Variants in NCOA2 observed in about 807,000 individuals in gnomAD.
NCOA2 encodes the protein nuclear receptor coactivator 2, also known as class E basic helix-loop-helix protein 75.
In NCOA2, 21 loss-of-function variants were observed where a neutral mutation model predicts 145.1. The observed-to-expected ratio is 0.14, with a 90% CI of 0.10 to 0.21. The LOEUF (loss-of-function observed/expected upper bound fraction) is 0.21, where lower values mean the gene tolerates loss of function less well. Ranked by LOEUF, NCOA2 falls within the 10% of genes least tolerant of loss-of-function variation. NCOA2 has a pLI of 1.00. For synonymous variants in NCOA2, 619 were observed against 637.5 expected (o/e 0.97, Z 0.44); for missense variants, 1,472 against 1,837.6 (o/e 0.80, Z 3.64).
At chr8:70,169,675 T>C (rs1017527237) in intron 6 of NCOA2, among the ~76,000 whole-genome samples, 1 of 152,196 alleles carries the variant, frequency 6.6e-6, no homozygotes. Context: ...CCCATCTCCA[T>C]GATGTGACTA....
At position 70,166,744 on chromosome 8, in the gene NCOA2, T is replaced by C; in HGVS notation, c.552A>G (p.Gly184=). 1 of 1,613,610 alleles carries C rather than the reference T, an allele frequency of 6.2e-7. No individual in the cohort carries two copies. The highest frequency in any genetic ancestry group is 8.5e-7 in the Non-Finnish European group (1 of 1,179,728). The change falls in exon 7 of 23, where the codon GGA becomes GGG. Residue 184 remains glycine, a synonymous_variant. Transcript: ENST00000452400. ...GCCTCGGAGGTTCGCCAGACCAAGA[T>C]CCCCCATTTACTGAGCAAGGCAAAA... ...NLLPKSIVNG[G]SWSGEPPRRN...
the NCOA2 span, among the ~76,000 whole-genome samples, chr8:70,429,745 T>C: frequency 6.6e-6 from 1 of 152,232 alleles, no homozygotes; most frequent in African/African-American, 2.4e-5. Context: ...GATTAAAGAC[T>C]AAAATCATAA....
At chr8:70,307,752 T>C (rs567061694) in intron 1 of NCOA2, among the ~76,000 whole-genome samples, 1 of 152,340 alleles carries the variant, frequency 6.6e-6, no homozygotes, top group Non-Finnish European at 1.5e-5. Context: ...CTGAACTCAA[T>C]GTAACCTGAG....
the NCOA2 span, among the ~76,000 whole-genome samples, chr8:70,418,897 C>CA: frequency 5.3e-5 from 8 of 151,684 alleles, no homozygotes; most frequent in East Asian, 1.9e-4. Context: ...CTCTAAAATG[C>CA]AAAAAAACAT....
intron 2 of NCOA2, among the ~76,000 whole-genome samples, chr8:70,219,830 G>A (rs1819987655): frequency 6.6e-6 from 1 of 152,190 alleles, no homozygotes; most frequent in South Asian, 2.1e-4. Flanking sequence ...TAATGCTTAT[G>A]TGAGGAGGCT....
At chr8:70,192,977 G>C (rs1045939643) in intron 4 of NCOA2, among the ~76,000 whole-genome samples, 1 of 147,196 alleles carries the variant, frequency 6.8e-6, no homozygotes, top group East Asian at 2.0e-4. Context: ...TGAGGCAGGA[G>C]AATTGCTTGA....
In NCOA2 at chr8:70,121,491, T is replaced by C; in HGVS notation, c.4294-100A>G. On this transcript the variant is annotated intron_variant, in intron 21 of 22. Coordinates refer to ENST00000452400, the MANE Select transcript of NCOA2 (RefSeq NM_006540.4). ...CGCCCTTCCTCTGTTTTTAGGGGTG[T>C]AAAAACGGGGAAAAGGAACTGCAGA... The C allele has an allele frequency of 3.5e-6, 3 of 847,806 alleles. No homozygotes were observed. In the South Asian group the frequency reaches 4.5e-5, roughly 13 times the overall value. The allele number at this position is 847,806 out of a possible 1,614,324, so 52.5% of individuals were successfully genotyped here.
intron 2 of NCOA2, among the ~76,000 whole-genome samples, chr8:70,281,503 T>G (rs372875684): frequency 3.3e-5 from 5 of 152,076 alleles, no homozygotes; most frequent in Admixed American, 1.3e-4. Flanking sequence ...TGTGGCCTCT[T>G]GTAGATCAAG....
At chr8:70,149,837 G>A (rs1366707319) in intron 11 of NCOA2, among the ~76,000 whole-genome samples, 1 of 152,174 alleles carries the variant, frequency 6.6e-6, no homozygotes, top group East Asian at 1.9e-4. Context: ...TCAGTCATTG[G>A]ACTTTGAATC....
upstream of NCOA2, chr8:70,403,816 T>G (rs1440755328): frequency 7.6e-6 from 3 of 396,620 alleles, no homozygotes; most frequent in Non-Finnish European, 4.4e-6. Flanking sequence ...GCTGCCTGGT[T>G]GTTTATTTCA....
At chr8:70,233,037 C>T (rs541257987) in intron 2 of NCOA2, among the ~76,000 whole-genome samples, 267 of 152,066 alleles carry the variant, frequency 1.8e-3, no homozygotes, top group Non-Finnish European at 3.2e-3. Flanking sequence ...CCATCCTGGC[C>T]AACATGGTGA....
chr8:70,304,022 T>C (rs1205406723), intron 1 of NCOA2, among the ~76,000 whole-genome samples: 1 of 152,168 alleles, frequency 6.6e-6, no homozygotes, highest in Non-Finnish European at 1.5e-5. Flanking sequence ...ATCTTCTCCT[T>C]AGCTTTTTTC....
rs771384690 is a variant in NCOA2, at chr8:70,326,473, G to GCACACACA, written c.-76-29681_-76-29674dup. On this transcript the variant is annotated intron_variant, in intron 1 of 22. Transcript: ENST00000452400. ...CACGTGCACACACACACACACACAT[G>GCACACACA]CACACACACACACACAGCTGTGATT... 8.6e-4 allele frequency among the ~76,000 whole-genome samples: 123 copies of GCACACACA among 143,520 alleles called. 1 individual carries two copies. The highest frequency in any genetic ancestry group is 3.6e-3 in the Middle Eastern group (1 of 276). The allele number at this position is 143,520 out of a possible 152,430, so 94.2% of individuals were successfully genotyped here. A position where few individuals can be genotyped will look rare whatever the true frequency, so the allele number is the denominator to read the frequency against.
chr8:70,124,611 G>C (rs1349698306), intron 20 of NCOA2, 77 bp downstream of exon 20: 36 of 1,374,076 alleles, frequency 2.6e-5, no homozygotes, highest in Non-Finnish European at 3.0e-5. Context: ...AAAGCTCCTC[G>C]GGTGCAGGCA....
intron 2 of NCOA2, among the ~76,000 whole-genome samples, chr8:70,235,510 C>T (rs188885199): frequency 6.6e-6 from 1 of 151,940 alleles, no homozygotes; most frequent in Non-Finnish European, 1.5e-5. Context: ...CACTCCAGAC[C>T]CATCAGATCA....
chr8:70,370,919 T>G (rs1358519138), intron 1 of NCOA2, among the ~76,000 whole-genome samples: 10 of 152,116 alleles, frequency 6.6e-5, no homozygotes, highest in Admixed American at 6.6e-4. Flanking sequence ...TAAAGAAAAC[T>G]CTAAGTAAAC....
intron 11 of NCOA2, among the ~76,000 whole-genome samples, chr8:70,155,576 CAT>C (rs1812184213): frequency 1.3e-5 from 2 of 152,140 alleles, no homozygotes; most frequent in African/African-American, 4.8e-5. Flanking sequence ...TTTTGTGACA[CAT>C]GATAATTCCA....
chr8:70,351,894 T>C (rs1231665876), intron 1 of NCOA2, among the ~76,000 whole-genome samples: 2 of 152,018 alleles, frequency 1.3e-5, no homozygotes, highest in South Asian at 2.1e-4. Context: ...GAGTTCACTT[T>C]TAATCTTTAC....
At chr8:70,135,189 C>T (rs1198850296) in intron 15 of NCOA2, among the ~76,000 whole-genome samples, 2 of 152,176 alleles carry the variant, frequency 1.3e-5, no homozygotes, top group Non-Finnish European at 2.9e-5. Flanking sequence ...TTACCCCATC[C>T]TTCCCACGCT....
Sources: allele counts gnomAD v4.1 joint callset (sites outside exome capture counted in the v4.1 genomes callset), GRCh38; gene constraint gnomAD v4.1.1; transcripts MANE v1.5; gene names NCBI Gene and HGNC (gene_info 2026-07-23, HGNC 2026-07-21).